Variants in TRIT1 observed in about 807,000 individuals in gnomAD.
TRIT1 encodes the protein tRNA isopentenyltransferase 1, also known as tRNA dimethylallyltransferase.
Under a neutral mutation model 51.2 loss-of-function variants are expected in TRIT1, and 43 were observed. The ratio of observed to expected loss-of-function variants is 0.84; its 90% CI spans 0.66 to 1.08. The LOEUF (loss-of-function observed/expected upper bound fraction) is 1.08, where lower values mean the gene tolerates loss of function less well. TRIT1 is among the 50% of genes least tolerant of loss of function. The probability of loss-of-function intolerance (pLI) is 0.00; values close to 1 mark genes in which losing one functional copy is unlikely to be tolerated. For missense variants in TRIT1, 528 were observed against 578.4 expected (o/e 0.91, Z 0.89); for synonymous variants, 184 against 203.9 (o/e 0.90, Z 0.83).
chr1:39,848,489 T>G (rs11577125), intron 5 of TRIT1, among the ~76,000 whole-genome samples: 3,439 of 151,644 alleles, frequency 0.023, 72 homozygotes, highest in East Asian at 0.11. Context: ...TAAGAACCCC[T>G]AGATGACACC....
chr1:39,853,871 T>C, intron 3 of TRIT1, 99 bp downstream of exon 3: 1 of 769,368 alleles, frequency 1.3e-6, no homozygotes, highest in East Asian at 2.6e-5. Flanking sequence ...AGTTGCTGGG[T>C]ATAAGAAATA....
At chr1:39,851,963 A>G (rs1362304524) in intron 4 of TRIT1, among the ~76,000 whole-genome samples, 1 of 151,702 alleles carries the variant, frequency 6.6e-6, no homozygotes, top group Admixed American at 6.6e-5. Context: ...AAAAAAAAAA[A>G]AAGTAATAAT....
intron 2 of TRIT1, among the ~76,000 whole-genome samples, chr1:39,854,827 C>T (rs187022026): frequency 7.9e-5 from 12 of 152,200 alleles, no homozygotes; most frequent in Admixed American, 3.3e-4. Flanking sequence ...TGCTTTAAGG[C>T]GGCCTTTGCT....
At chr1:39,850,018 G>C (rs1642468518) in intron 5 of TRIT1, 101 bp downstream of exon 5, 1 of 1,288,348 alleles carries the variant, frequency 7.8e-7, no homozygotes, top group Admixed American at 2.2e-5. Context: ...CTTGTTTAGT[G>C]TTTATTATGA....
At position 39,857,783 on chromosome 1, in the gene TRIT1, A is replaced by G. The variant is rs1298455140; in HGVS notation, c.175-366T>C. Among the ~76,000 whole-genome samples the G allele has an allele frequency of 2.0e-5, 3 of 152,244 alleles. No homozygotes were observed. The East Asian group carries it at 5.8e-4, about 29-fold the overall frequency. On this transcript the variant is annotated intron_variant, in intron 1 of 10. Transcript: ENST00000316891. ...AAGACTCCAGAAAGGTAACATTTGC[A>G]TTCATTGCTCATAGTTCTACTTCAA... is the stretch of plus-strand genomic sequence containing the variant.
intron 8 of TRIT1, among the ~76,000 whole-genome samples, chr1:39,844,901 T>TAAAAA (rs747796264): frequency 6.6e-5 from 10 of 152,218 alleles, no homozygotes; most frequent in African/African-American, 9.7e-5. Context: ...AGAATAGAGT[T>TAAAAA]AACAGCTCAA....
chr1:39,841,162 C>T lies in TRIT1; in HGVS notation c.*582G>A, dbSNP rs1439699397. ...ATGAGCAGCTCGCAAATTTCAAAGT[C>T]TTTGGTCTTCAAGTCCTATGTCACA... On this transcript the variant is annotated 3_prime_UTR_variant, in exon 11 of 11. Transcript: ENST00000316891. The T allele has an allele frequency of 6.6e-6, 1 of 152,184 alleles. No homozygotes were observed. The highest frequency in any genetic ancestry group is 1.5e-5 in the Non-Finnish European group (1 of 68,038). 9.4% of individuals were successfully genotyped at this position (152,184 alleles called of 1,614,324 possible). A position where few individuals can be genotyped will look rare whatever the true frequency, so the allele number is the denominator to read the frequency against.
intron 1 of TRIT1, among the ~76,000 whole-genome samples, chr1:39,871,604 T>A (rs940540061): frequency 6.6e-6 from 1 of 152,124 alleles, no homozygotes; most frequent in East Asian, 1.9e-4. Flanking sequence ...ATCTACCTTT[T>A]AAAAAAATGT....
chr1:39,876,326 C>G (rs1644050983), intron 1 of TRIT1, among the ~76,000 whole-genome samples: 1 of 152,150 alleles, frequency 6.6e-6, no homozygotes, highest in Non-Finnish European at 1.5e-5. Context: ...CTCATCTGTG[C>G]TCTCCTATGG....
intron 1 of TRIT1, among the ~76,000 whole-genome samples, chr1:39,881,358 T>A (rs1159633874): frequency 6.6e-6 from 1 of 152,120 alleles, no homozygotes; most frequent in East Asian, 1.9e-4. Context: ...AGACCACAGA[T>A]CTACTATTAT....
rs895373874 is a variant in TRIT1 at position 39,839,168 on chromosome 1, C to G, written c.*2576G>C. Among the ~76,000 whole-genome samples, 1 of 152,176 alleles carries G rather than the reference C, an allele frequency of 6.6e-6. No individual in the cohort carries two copies. Among genetic ancestry groups the G allele is most frequent in the Non-Finnish European group, 1.5e-5 (1 of 68,028 alleles). ...TAGATAGCACTGCTGGTGTGATGGA[C>G]TGGAGGCTCTGGATACCTGGACTGG... On this transcript the variant is annotated 3_prime_UTR_variant, in exon 11 of 11. Transcript: ENST00000316891.
At chr1:39,862,807 T>TA in intron 1 of TRIT1, 1 of 985,454 alleles carries the variant, frequency 1.0e-6, no homozygotes, top group Non-Finnish European at 1.2e-6. Context: ...CAGCTTCAAT[T>TA]ACAGTTTCAG....
chr1:39,851,173 T>A (rs973218937), intron 4 of TRIT1, among the ~76,000 whole-genome samples: 1 of 151,990 alleles, frequency 6.6e-6, no homozygotes, highest in Admixed American at 6.6e-5. Context: ...TGAGAAAAAA[T>A]GTAGTAATAG....
chr1:39,872,660 G>A (rs928969178), intron 1 of TRIT1, among the ~76,000 whole-genome samples: 1 of 151,808 alleles, frequency 6.6e-6, no homozygotes, highest in Non-Finnish European at 1.5e-5. Flanking sequence ...ATAAATGTGT[G>A]TATATATAGA....
chr1:39,871,196 A>T (rs79155807), intron 1 of TRIT1, among the ~76,000 whole-genome samples: 3 of 145,454 alleles, frequency 2.1e-5, no homozygotes, highest in South Asian at 2.2e-4. Context: ...TCCGTCTCAT[A>T]AAAAAAAAAG....
chr1:39,870,915 C>T (rs1643859504), intron 1 of TRIT1, among the ~76,000 whole-genome samples: 1 of 152,088 alleles, frequency 6.6e-6, no homozygotes, highest in Admixed American at 6.6e-5. Context: ...GAATAGACAC[C>T]AGGCGCGGTA....
chr1:39,849,973 AATAATG>A (rs1642465771), intron 5 of TRIT1, 140 bp downstream of exon 5: 1 of 859,104 alleles, frequency 1.2e-6, no homozygotes, highest in Non-Finnish European at 1.7e-6. Flanking sequence ...TAAGCCAACA[AATAATG>A]ATAATGATAA....
At chr1:39,855,365 A>T (rs1308644368) in intron 2 of TRIT1, among the ~76,000 whole-genome samples, 3 of 152,242 alleles carry the variant, frequency 2.0e-5, no homozygotes, top group African/African-American at 7.2e-5. Flanking sequence ...AGAGAAAACA[A>T]ATTCTCTATT....
In TRIT1 at chr1:39,847,297, C is replaced by T; in HGVS notation, c.929G>A (p.Gly310Asp). The change falls in exon 8 of 11, where the codon GGT (glycine) becomes GAT (aspartate). Residue 310 changes from glycine (G) to aspartate (D), a missense_variant and splice_region_variant. Transcript: ENST00000316891. The part of the protein sequence containing the change: ...LETSNQLLKK[G>D]IEALKQVTKR... ...AGTTACTTGTTTCAGAGCCTCAATA[C>T]CTGAAAGATACAGTAGATTTAAGAA... 1 of 1,613,758 alleles carries T rather than the reference C, an allele frequency of 6.2e-7. No individual in the cohort carries two copies. Among genetic ancestry groups the T allele is most frequent in the South Asian group, 1.1e-5 (1 of 91,074 alleles).
Sources: gnomAD v4.1 joint callset for allele counts (sites outside exome capture counted in the v4.1 genomes callset) on GRCh38, gnomAD v4.1.1 for gene constraint, MANE v1.5 for transcripts, NCBI Gene and HGNC (gene_info 2026-07-23, HGNC 2026-07-21) for gene names.